The following CA10 variants were observed in gnomAD, a reference collection of about 807,000 sequenced individuals.
CA10 encodes carbonic anhydrase-related protein 10.
CA10 carries 14 observed loss-of-function variants against 44.2 expected under a neutral mutation model. The ratio of observed to expected loss-of-function variants is 0.32; its 90% CI spans 0.21 to 0.50. CA10 has a LOEUF of 0.50. Ranked by LOEUF, CA10 falls within the 20% of genes least tolerant of loss-of-function variation. CA10 has a pLI of 0.99. For synonymous variants in CA10, 159 were observed against 141.6 expected, an observed-to-expected ratio of 1.12 and a Z score of -0.87; for missense variants, 350 against 409.7, an observed-to-expected ratio of 0.85 and a Z score of 1.26.
chr17:51,986,104 C>A (rs977268259), intron 2 of CA10, among the ~76,000 whole-genome samples: 20 of 152,042 alleles, frequency 1.3e-4, no homozygotes, highest in African/African-American at 4.8e-4. Context: ...TGATTTCAGA[C>A]TATACTATAA....
chr17:51,667,393 C>A (rs1174849734), intron 4 of CA10, among the ~76,000 whole-genome samples: 1 of 152,172 alleles, frequency 6.6e-6, no homozygotes, highest in African/African-American at 2.4e-5. Flanking sequence ...GCTTGCAGTA[C>A]TTCCATCATG....
At chr17:51,640,018 G>A (rs933133017) in intron 6 of CA10, among the ~76,000 whole-genome samples, 10 of 152,120 alleles carry the variant, frequency 6.6e-5, no homozygotes, top group African/African-American at 2.4e-4. Flanking sequence ...AGGACTCCCT[G>A]GCTTCCCCAG....
At chr17:52,159,787 T>C (rs16951067), upstream of CA10, 8,334 of 152,252 alleles carry the variant, frequency 0.055, 300 homozygotes, top group South Asian at 0.087. Context: ...GCAGTGTGGA[T>C]GCAGGGGAAT....
intron 1 of CA10, among the ~76,000 whole-genome samples, chr17:52,082,602 TCA>T (rs992474231): frequency 6.6e-6 from 1 of 152,142 alleles, no homozygotes; most frequent in Non-Finnish European, 1.5e-5. Flanking sequence ...TGAGCCAAAA[TCA>T]CAGTCAAGGG....
chr17:51,926,334 C>T (rs1369778352), intron 3 of CA10, among the ~76,000 whole-genome samples: 1 of 152,100 alleles, frequency 6.6e-6, no homozygotes, highest in Non-Finnish European at 1.5e-5. Flanking sequence ...AAGGCTGTTT[C>T]TGACTATAAT....
intron 2 of CA10, among the ~76,000 whole-genome samples, chr17:52,018,487 G>A (rs928169769): frequency 6.6e-6 from 1 of 152,116 alleles, no homozygotes; most frequent in Non-Finnish European, 1.5e-5. Flanking sequence ...TGTCTGCTCT[G>A]CTGTGTTTCA....
At chr17:52,132,278 C>T (rs779688530) in intron 1 of CA10, among the ~76,000 whole-genome samples, 3 of 152,144 alleles carry the variant, frequency 2.0e-5, no homozygotes, top group Admixed American at 1.3e-4. Flanking sequence ...CAGAGGAAGA[C>T]GCTGCAAGAG....
rs74630727 is a variant in CA10, at chr17:51,866,470, A to C, written c.279+64520T>G. On this transcript the variant is annotated intron_variant, in intron 3 of 8. Transcript: ENST00000451037. ...ATCTCACTTTTATCAGTGTTTCCCCAAAAGCAGACCATGCTTCCAGTGACT... is the reference window on the plus strand; with the variant it reads ...ATCTCACTTTTATCAGTGTTTCCCCCAAAGCAGACCATGCTTCCAGTGACT... Among the ~76,000 whole-genome samples the C allele has an allele frequency of 3.5e-3, 536 of 152,288 alleles. 3 individuals are homozygous for C. Among genetic ancestry groups the C allele is most frequent in the African/African-American group, 0.012 (517 of 41,548 alleles).
intron 1 of CA10, among the ~76,000 whole-genome samples, chr17:52,105,101 T>G (rs1988629260): frequency 6.6e-6 from 1 of 152,152 alleles, no homozygotes. Context: ...AGGTGATTTG[T>G]AAGATGATTA....
At chr17:52,136,827 T>C (rs1989370240) in intron 1 of CA10, among the ~76,000 whole-genome samples, 1 of 152,166 alleles carries the variant, frequency 6.6e-6, no homozygotes, top group Non-Finnish European at 1.5e-5. Flanking sequence ...ATATTCCTTG[T>C]GAGACACGAT....
intron 4 of CA10, among the ~76,000 whole-genome samples, chr17:51,688,540 T>C (rs541243205): frequency 6.6e-6 from 1 of 152,344 alleles, no homozygotes; most frequent in East Asian, 1.9e-4. Context: ...TAGGTTGCTG[T>C]GAGGATTAAG....
intron 6 of CA10, among the ~76,000 whole-genome samples, chr17:51,636,736 A>G (rs1912841965): frequency 6.6e-6 from 1 of 151,512 alleles, no homozygotes; most frequent in Admixed American, 6.6e-5. Flanking sequence ...GCCAAATCCT[A>G]CCATGAGATT....
At chr17:51,941,295 A>G (rs1159529271) in intron 2 of CA10, among the ~76,000 whole-genome samples, 1 of 152,098 alleles carries the variant, frequency 6.6e-6, no homozygotes, top group Non-Finnish European at 1.5e-5. Flanking sequence ...GAATCAGGTG[A>G]CTCATTCTTG....
intron 6 of CA10, among the ~76,000 whole-genome samples, chr17:51,648,558 A>AC (rs1276868232): frequency 6.6e-6 from 1 of 152,030 alleles, no homozygotes; most frequent in East Asian, 1.9e-4. Context: ...CAAATCCTGC[A>AC]CCTTCTGGGA....
At chr17:52,081,469 A>C (rs1021813136) in intron 1 of CA10, among the ~76,000 whole-genome samples, 3 of 152,174 alleles carry the variant, frequency 2.0e-5, no homozygotes, top group Admixed American at 6.5e-5. Flanking sequence ...TGGTGGCTTC[A>C]ACTAGGGCAG....
At chr17:51,849,733 A>T (rs1169152400) in intron 3 of CA10, among the ~76,000 whole-genome samples, 1 of 152,154 alleles carries the variant, frequency 6.6e-6, no homozygotes, top group Non-Finnish European at 1.5e-5. Flanking sequence ...AACTTGATGG[A>T]AGGAAGTACA....
At chr17:51,633,848 C>A (rs1786430586) in intron 7 of CA10, among the ~76,000 whole-genome samples, 198 bp from the exon 8 acceptor site, 2 of 152,188 alleles carry the variant, frequency 1.3e-5, no homozygotes, top group Admixed American at 6.5e-5. Flanking sequence ...TGAAGCCAGC[C>A]TTTCTTCTAG....
chr17:52,124,359 C>A (rs530018964), intron 1 of CA10, among the ~76,000 whole-genome samples: 1 of 152,238 alleles, frequency 6.6e-6, no homozygotes, highest in African/African-American at 2.4e-5. Context: ...AGAGTGATGA[C>A]CTCAGATTTC....
upstream of CA10, chr17:52,159,511 C>T (rs1989896444): frequency 6.6e-6 from 1 of 152,230 alleles, no homozygotes; most frequent in Non-Finnish European, 1.5e-5. Flanking sequence ...TTTAGGGAAG[C>T]TCTAGTGCTT....
Sources: allele counts gnomAD v4.1 joint callset (sites outside exome capture counted in the v4.1 genomes callset), GRCh38; gene constraint gnomAD v4.1.1; transcripts MANE v1.5; gene names NCBI Gene and HGNC (gene_info 2026-07-23, HGNC 2026-07-21).